NOL4: variants seen among roughly 807,000 people sequenced by gnomAD.
NOL4 encodes cancer/testis antigen 125.
Under a neutral mutation model 75.9 loss-of-function variants are expected in NOL4, and 17 were observed. The ratio of observed to expected loss-of-function variants is 0.22; its 90% CI spans 0.15 to 0.34. NOL4 has a LOEUF of 0.34. Ranked by LOEUF, NOL4 falls within the 10% of genes least tolerant of loss-of-function variation. The pLI, the probability that NOL4 is intolerant of heterozygous loss-of-function variation, is 1.00. For synonymous variants in NOL4, 292 were observed against 289.9 expected (o/e 1.01, Z -0.07); for missense variants, 614 against 793.5 (o/e 0.77, Z 2.72).
At position 34,130,984 on chromosome 18, in the gene NOL4, G is replaced by C. The variant is rs925320423; in HGVS notation, c.265-964C>G. 2.0e-5 allele frequency among the ~76,000 whole-genome samples: 3 copies of C among 152,012 alleles called. No homozygotes were observed. The South Asian group carries it at 6.2e-4, about 32-fold the overall frequency. ...GGAGTAAGAAATAAGTTTGGAATGAGATAATAAAGTTAATCTTACATGACT... is the reference window on the plus strand; with the variant it reads ...GGAGTAAGAAATAAGTTTGGAATGACATAATAAAGTTAATCTTACATGACT... On this transcript the variant is annotated intron_variant, in intron 1 of 10. Transcript: ENST00000261592.
intron 10 of NOL4, among the ~76,000 whole-genome samples, chr18:33,879,327 C>T (rs557988620): frequency 3.3e-5 from 5 of 151,918 alleles, no homozygotes; most frequent in Admixed American, 6.6e-5. Context: ...TGAATGTTGG[C>T]ATTCTATAAG....
At chr18:34,004,718 T>C (rs1198332110) in intron 6 of NOL4, among the ~76,000 whole-genome samples, 1 of 152,074 alleles carries the variant, frequency 6.6e-6, no homozygotes, top group Non-Finnish European at 1.5e-5. Context: ...CTTCTATTCA[T>C]TTTTCTGGCT....
chr18:33,868,057 TGA>T (rs895218203), intron 10 of NOL4, among the ~76,000 whole-genome samples: 4 of 149,428 alleles, frequency 2.7e-5, no homozygotes, highest in African/African-American at 9.8e-5. Flanking sequence ...TTTTTTTTTT[TGA>T]GAGAGTCTTG....
At chr18:33,863,024 A>C (rs1238900436) in intron 10 of NOL4, among the ~76,000 whole-genome samples, 1 of 152,236 alleles carries the variant, frequency 6.6e-6, no homozygotes, top group Non-Finnish European at 1.5e-5. Context: ...ACCAAGCCAA[A>C]TGTCCAACCA....
chr18:34,075,989 A>G (rs11659949), intron 5 of NOL4, among the ~76,000 whole-genome samples: 57,304 of 151,846 alleles, frequency 0.38, 11,296 homozygotes, highest in South Asian at 0.54. Flanking sequence ...GGGAGTATAA[A>G]TTTTTTATAA....
intron 2 of NOL4, among the ~76,000 whole-genome samples, chr18:34,112,330 C>T (rs1217953265): frequency 6.6e-6 from 1 of 151,604 alleles, no homozygotes; most frequent in Non-Finnish European, 1.5e-5. Context: ...GATTGTGCCA[C>T]TGCACTCTAG....
intron 1 of NOL4, among the ~76,000 whole-genome samples, chr18:34,186,886 T>C (rs961844274): frequency 6.6e-6 from 1 of 152,198 alleles, no homozygotes; most frequent in Admixed American, 6.5e-5. Context: ...ACAGCCAAAC[T>C]GGATAGAAGG....
chr18:34,071,286 A>C (rs1379111979), intron 5 of NOL4, among the ~76,000 whole-genome samples: 1 of 152,182 alleles, frequency 6.6e-6, no homozygotes, highest in Non-Finnish European at 1.5e-5. Flanking sequence ...AAGTAAAATA[A>C]TATGGTGAAG....
chr18:33,958,901 T>C (rs1231354132), intron 6 of NOL4, among the ~76,000 whole-genome samples: 2 of 152,108 alleles, frequency 1.3e-5, no homozygotes, highest in African/African-American at 4.8e-5. Context: ...TTTAAACAGT[T>C]ATGGAAACTG....
chr18:33,882,028 TCCTTACA>T (rs932156261), intron 10 of NOL4, among the ~76,000 whole-genome samples: 11 of 152,176 alleles, frequency 7.2e-5, no homozygotes, highest in African/African-American at 2.4e-4. Flanking sequence ...CTGGATCTCT[TCCTTACA>T]CCTTACACAA....
chr18:34,158,660 C>G (rs754793941), intron 1 of NOL4: 1 of 152,180 alleles, frequency 6.6e-6, no homozygotes, highest in Admixed American at 6.5e-5. Context: ...GGGTGCTTAG[C>G]AGCAAGAGAA....
intron 5 of NOL4, among the ~76,000 whole-genome samples, chr18:34,027,286 A>ATTT (rs1248945874): frequency 5.9e-5 from 9 of 152,286 alleles, no homozygotes; most frequent in African/African-American, 2.2e-4. Flanking sequence ...GTTGGAGAAT[A>ATTT]GGTATTTGGT....
intron 6 of NOL4, among the ~76,000 whole-genome samples, chr18:33,960,625 G>C (rs148540293): frequency 1.6e-3 from 248 of 152,210 alleles, no homozygotes; most frequent in African/African-American, 5.6e-3. Flanking sequence ...TTTATGGGCA[G>C]CTATTATGCA....
intron 10 of NOL4, among the ~76,000 whole-genome samples, chr18:33,860,640 A>C (rs536961319): frequency 6.6e-5 from 10 of 151,916 alleles, no homozygotes; most frequent in African/African-American, 1.7e-4. Context: ...TCTCCTGCCT[A>C]ATTGCCCTGG....
intron 8 of NOL4, among the ~76,000 whole-genome samples, chr18:33,950,042 AAACTTAC>A (rs1167871033): frequency 6.6e-6 from 1 of 151,846 alleles, no homozygotes. Context: ...AGTGTTATAT[AAACTTAC>A]AATTATTGTA....
intron 1 of NOL4, among the ~76,000 whole-genome samples, chr18:34,130,884 G>A (rs1320401861): frequency 2.6e-5 from 4 of 152,080 alleles, no homozygotes; most frequent in African/African-American, 7.2e-5. Context: ...AACACAGGTT[G>A]GAGTTGGAGC....
intron 10 of NOL4, among the ~76,000 whole-genome samples, chr18:33,882,348 C>A (rs1003560780): frequency 6.6e-6 from 1 of 151,840 alleles, no homozygotes; most frequent in African/African-American, 2.4e-5. Context: ...TGAACTCAAA[C>A]AAATTTACAA....
At chr18:34,123,627 A>G (rs1231141206) in intron 2 of NOL4, among the ~76,000 whole-genome samples, 1 of 147,714 alleles carries the variant, frequency 6.8e-6, no homozygotes, top group Non-Finnish European at 1.5e-5. Context: ...ATTTATATCT[A>G]TATAGATACA....
chr18:34,140,550 C>A (rs924781626), intron 1 of NOL4, among the ~76,000 whole-genome samples: 1 of 152,060 alleles, frequency 6.6e-6, no homozygotes, highest in Non-Finnish European at 1.5e-5. Context: ...TCCTCCATCC[C>A]TTTATTTTGA....
Sources: allele counts gnomAD v4.1 joint callset (sites outside exome capture counted in the v4.1 genomes callset), GRCh38; gene constraint gnomAD v4.1.1; transcripts MANE v1.5; gene names NCBI Gene and HGNC (gene_info 2026-07-23, HGNC 2026-07-21).